Variants in HDAC4 observed in about 807,000 individuals in gnomAD.
HDAC4 encodes histone deacetylase 4, also known as histone deacetylase A.
HDAC4 carries 16 observed loss-of-function variants against 135.1 expected under a neutral mutation model. The ratio of observed to expected loss-of-function variants is 0.12; its 90% CI spans 0.08 to 0.18. The LOEUF is 0.18. Ranked by LOEUF, HDAC4 falls within the 10% of genes least tolerant of loss-of-function variation. The pLI is 1.00. For synonymous variants in HDAC4, 685 were observed against 653.4 expected, an observed-to-expected ratio of 1.05 and a Z score of -0.74; for missense variants, 1,143 against 1,511.8, an observed-to-expected ratio of 0.76 and a Z score of 4.05.
rs1181056261 is a variant in HDAC4 at position 239,400,303 on chromosome 2, G to A, written c.-220+675C>T. 2.0e-5 allele frequency: 3 copies of A among 150,608 alleles called. No homozygotes were observed. Among genetic ancestry groups the A allele is most frequent in the Admixed American group, 6.6e-5 (1 of 15,130 alleles). The allele number at this position is 150,608 out of a possible 1,614,324, so 9.3% of individuals were successfully genotyped here. A position where few individuals can be genotyped will look rare whatever the true frequency, so the allele number is the denominator to read the frequency against. On this transcript the variant is annotated intron_variant, in intron 1 of 26. Transcript: ENST00000543185. The surrounding 1 kb of genome is among the most constrained non-coding windows in gnomAD (Gnocchi z 4.7). The stretch of plus-strand genomic sequence containing the variant: ...CTGCAAACTCACAGCATTTGACAAA[G>A]TTACATAAACGGCGCCCGGCCGGCC...
intron 8 of HDAC4, chr2:239,140,826 C>G (rs975492989): frequency 1.1e-5 from 4 of 379,094 alleles, no homozygotes; most frequent in Admixed American, 3.1e-5. Context: ...GCTTGCTGCC[C>G]GCGTCCTCCT....
intron 2 of HDAC4, among the ~76,000 whole-genome samples, chr2:239,256,395 G>A (rs1403168685): frequency 6.6e-6 from 1 of 152,232 alleles, no homozygotes; most frequent in Non-Finnish European, 1.5e-5. Flanking sequence ...CTGTCGCAGG[G>A]GAAAGAGATT....
Position 239,134,317 on chromosome 2 carries a change from C to T in HDAC4, c.1222G>A (p.Ala408Thr), listed in dbSNP as rs2152881394. 2 of 1,613,784 alleles carry T rather than the reference C, an allele frequency of 1.2e-6. No homozygotes were observed. The highest frequency in any genetic ancestry group is 8.5e-7 in the Non-Finnish European group (1 of 1,179,996). ...TGCTGCAGAAGAGGGCTGTGCGCTG[C>T]CCCTCCGTCCCGCTCCAAGGGCGAG... The part of the protein sequence containing the change: ...STSPLERDGG[A>T]AHSPLLQHMV... Residue 408 changes from alanine (A) to threonine (T), a missense_variant, in exon 11 of 27, where the codon GCA (alanine) becomes ACA (threonine). Physicochemically the swap from Ala to Thr is moderately conservative, Grantham distance 58. Coordinates refer to ENST00000543185, the MANE Select transcript of HDAC4 (RefSeq NM_001378414.1).
intron 3 of HDAC4, among the ~76,000 whole-genome samples, chr2:239,231,081 C>G (rs1419112400): frequency 6.6e-6 from 1 of 152,192 alleles, no homozygotes; most frequent in East Asian, 1.9e-4. Flanking sequence ...AGTTTCTCTA[C>G]AGTTTCTAGT....
At chr2:239,080,310 C>A (rs1402788916) in intron 22 of HDAC4, among the ~76,000 whole-genome samples, 2 of 152,242 alleles carry the variant, frequency 1.3e-5, no homozygotes, top group Non-Finnish European at 2.9e-5. Context: ...GGCTTTGACA[C>A]CATACTGACA....
chr2:239,384,143 C>G (rs1054851729), intron 1 of HDAC4, among the ~76,000 whole-genome samples: 1 of 152,180 alleles, frequency 6.6e-6, no homozygotes, highest in African/African-American at 2.4e-5. Context: ...CACACCACAT[C>G]GATGGGAAAG....
intron 2 of HDAC4, among the ~76,000 whole-genome samples, chr2:239,288,599 T>C (rs1170263412): frequency 6.6e-6 from 1 of 151,912 alleles, no homozygotes; most frequent in Non-Finnish European, 1.5e-5. Context: ...ATAAGATGAT[T>C]GGATATAAAA....
At chr2:239,144,156 G>A (rs760102349) in intron 8 of HDAC4, among the ~76,000 whole-genome samples, 9 of 152,200 alleles carry the variant, frequency 5.9e-5, no homozygotes, top group Non-Finnish European at 7.3e-5. Flanking sequence ...GTGCTCTGGC[G>A]TGGGAAGACG....
intron 3 of HDAC4, among the ~76,000 whole-genome samples, chr2:239,192,498 A>C (rs2045054639): frequency 6.6e-6 from 1 of 152,180 alleles, no homozygotes; most frequent in Admixed American, 6.5e-5. Flanking sequence ...GAGGAGAGCT[A>C]AGTCAGCAAA....
At chr2:239,152,066 C>CTTTTTTTAT (rs2042150564) in intron 7 of HDAC4, among the ~76,000 whole-genome samples, 1 of 152,214 alleles carries the variant, frequency 6.6e-6, no homozygotes, top group Admixed American at 6.5e-5. Context: ...ATAAAAAATA[C>CTTTTTTTAT]ACGGTGACTA....
intron 2 of HDAC4, among the ~76,000 whole-genome samples, chr2:239,242,427 C>T (rs1353952957): frequency 6.6e-6 from 1 of 152,188 alleles, no homozygotes; most frequent in Non-Finnish European, 1.5e-5. Flanking sequence ...AGATTTATTA[C>T]TAGGTATTTG....
chr2:239,083,953 C>T (rs2035605688), intron 20 of HDAC4, among the ~76,000 whole-genome samples: 1 of 152,256 alleles, frequency 6.6e-6, no homozygotes, highest in Admixed American at 6.5e-5. Context: ...GCCAGGACCC[C>T]ATTCGCCAGG....
chr2:239,316,710 G>T (rs191525431), intron 2 of HDAC4, among the ~76,000 whole-genome samples: 1 of 152,284 alleles, frequency 6.6e-6, no homozygotes, highest in African/African-American at 2.4e-5. Flanking sequence ...GGGAAGAGGA[G>T]TTCCCTGTAG....
intron 19 of HDAC4, among the ~76,000 whole-genome samples, chr2:239,087,355 G>A (rs779768788): frequency 2.2e-4 from 33 of 152,154 alleles, no homozygotes; most frequent in Admixed American, 5.2e-4. Context: ...ATCTGTCTCC[G>A]TCATAACCGA....
At chr2:239,180,147 C>A (rs2044052311) in intron 4 of HDAC4, among the ~76,000 whole-genome samples, 1 of 152,186 alleles carries the variant, frequency 6.6e-6, no homozygotes, top group Non-Finnish European at 1.5e-5. Context: ...ACCCTTGCTG[C>A]CCCTGCACAG....
In HDAC4 at chr2:239,352,758, G is replaced by A. The variant is rs1242388981; in HGVS notation, c.-59C>T. 5 of 1,497,546 alleles carry A rather than the reference G, an allele frequency of 3.3e-6. No individual in the cohort carries two copies. Among genetic ancestry groups the A allele is most frequent in the African/African-American group, 1.4e-5 (1 of 71,966 alleles). The allele number at this position is 1,497,546 out of a possible 1,614,324, so 92.8% of individuals were successfully genotyped here. A position where few individuals can be genotyped will look rare whatever the true frequency, so the allele number is the denominator to read the frequency against. On this transcript the variant is annotated 5_prime_UTR_variant, in exon 2 of 27. Transcript: ENST00000543185. This position sits in a 1 kb window ranked among gnomAD's most constrained non-coding sequence, Gnocchi z 4.4. ...AATGGCTCAAAATTTCCACGGAAACGATAGCTCCAACGAGCTCCAAACTCC... is the reference window on the plus strand; with the variant it reads ...AATGGCTCAAAATTTCCACGGAAACAATAGCTCCAACGAGCTCCAAACTCC...
chr2:239,296,561 G>C lies in HDAC4; in HGVS notation c.22+56117C>G, dbSNP rs143786072. On this transcript the variant is annotated intron_variant, in intron 2 of 26. Transcript: ENST00000543185. ...TCAGCAGATCAGGGTCACAATGCTGGCCGGCATTTAAGAGAAACTGCGCTG... is the reference window on the plus strand; with the variant it reads ...TCAGCAGATCAGGGTCACAATGCTGCCCGGCATTTAAGAGAAACTGCGCTG... Among the ~76,000 whole-genome samples, 984 of 152,344 alleles carry C rather than the reference G, an allele frequency of 6.5e-3. 55 individuals are homozygous for C. The highest frequency in any genetic ancestry group is 0.058 in the Admixed American group (885 of 15,306).
At chr2:239,249,305 C>T (rs775090174) in intron 2 of HDAC4, among the ~76,000 whole-genome samples, 5 of 152,134 alleles carry the variant, frequency 3.3e-5, no homozygotes, top group East Asian at 1.9e-4. Flanking sequence ...TGCGGAGTGT[C>T]GCCCAGGGCG....
intron 4 of HDAC4, among the ~76,000 whole-genome samples, chr2:239,187,681 C>T (rs1328880883): frequency 1.3e-5 from 2 of 152,184 alleles, no homozygotes; most frequent in African/African-American, 4.8e-5. Flanking sequence ...AAGACTGTGT[C>T]CTCTCTCATG....
Sources: allele counts gnomAD v4.1 joint callset (sites outside exome capture counted in the v4.1 genomes callset), GRCh38; gene constraint gnomAD v4.1.1; non-coding constraint Gnocchi (gnomAD v3.1); transcripts MANE v1.5; gene names NCBI Gene and HGNC (gene_info 2026-07-23, HGNC 2026-07-21).